CAST: variants seen among roughly 807,000 people sequenced by gnomAD.
The protein encoded by CAST is MIR583 host.
Under a neutral mutation model 119.6 loss-of-function variants are expected in CAST, and 76 were observed. The observed-to-expected ratio is 0.64, with a 90% CI of 0.53 to 0.77. The LOEUF (loss-of-function observed/expected upper bound fraction) is 0.77, where lower values mean the gene tolerates loss of function less well. Ranked by LOEUF, CAST falls within the 30% of genes least tolerant of loss-of-function variation. The pLI is 0.00. For synonymous variants in CAST, 319 were observed against 331.6 expected (o/e 0.96, Z 0.41); for missense variants, 953 against 946.5 (o/e 1.01, Z -0.09).
chr5:96,317,280 A>G, the CAST span, among the ~76,000 whole-genome samples: 1 of 148,722 alleles, frequency 6.7e-6, no homozygotes, highest in Non-Finnish European at 1.5e-5. Context: ...CCTGGGCAAC[A>G]TGGTGAAACT....
chr5:96,083,342 T>A, the CAST span, among the ~76,000 whole-genome samples: 3 of 152,320 alleles, frequency 2.0e-5, no homozygotes, highest in Non-Finnish European at 4.4e-5. Flanking sequence ...GACATTGTGT[T>A]CTGGAGGGAT....
the CAST span, among the ~76,000 whole-genome samples, chr5:96,221,495 C>T: frequency 6.6e-6 from 1 of 151,920 alleles, no homozygotes. Flanking sequence ...ATCAACAAGG[C>T]AACCCCATTT....
intron 1 of CAST, among the ~76,000 whole-genome samples, chr5:96,654,570 G>A (rs1257311656): frequency 1.3e-5 from 2 of 152,122 alleles, no homozygotes; most frequent in African/African-American, 4.8e-5. Context: ...GTGGTTTGAA[G>A]GAAGTAAAAT....
At chr5:96,262,584 C>T in the CAST span, among the ~76,000 whole-genome samples, 1 of 152,112 alleles carries the variant, frequency 6.6e-6, no homozygotes, top group South Asian at 2.1e-4. Flanking sequence ...AGCTGGAGTG[C>T]AGTGGTGCAA....
chr5:96,608,161 T>C (rs1437941707), intron 1 of CAST, among the ~76,000 whole-genome samples: 1 of 152,188 alleles, frequency 6.6e-6, no homozygotes, highest in Non-Finnish European at 1.5e-5. Flanking sequence ...ACAAGTTCAA[T>C]TTTTTAGATT....
At chr5:96,007,497 T>C in the CAST span, among the ~76,000 whole-genome samples, 3 of 152,316 alleles carry the variant, frequency 2.0e-5, no homozygotes, top group South Asian at 6.2e-4. Flanking sequence ...ATATTGAAAC[T>C]CTAACCTCCA....
chr5:95,987,401 G>A, the CAST span, among the ~76,000 whole-genome samples: 1 of 152,086 alleles, frequency 6.6e-6, no homozygotes, highest in Non-Finnish European at 1.5e-5. Context: ...AATAGGGGGC[G>A]TCAGTCAACC....
At chr5:96,065,876 C>G in the CAST span, among the ~76,000 whole-genome samples, 1 of 152,104 alleles carries the variant, frequency 6.6e-6, no homozygotes, top group Non-Finnish European at 1.5e-5. Flanking sequence ...TGAAAGAGCA[C>G]ATATTGTCCC....
the CAST span, among the ~76,000 whole-genome samples, chr5:96,410,543 C>A: frequency 6.6e-6 from 1 of 151,916 alleles, no homozygotes; most frequent in African/African-American, 2.4e-5. Flanking sequence ...CTTCTCAAGG[C>A]TGGGTTTAAA....
the CAST span, among the ~76,000 whole-genome samples, chr5:96,395,671 T>C: frequency 6.6e-6 from 1 of 152,024 alleles, no homozygotes; most frequent in African/African-American, 2.4e-5. Flanking sequence ...GGGATAGCAT[T>C]AGGAGAAATA....
intron 1 of CAST, among the ~76,000 whole-genome samples, chr5:96,559,056 T>G (rs992363984): frequency 6.6e-6 from 1 of 152,036 alleles, no homozygotes; most frequent in Non-Finnish European, 1.5e-5. Flanking sequence ...GTTCAACATA[T>G]GCAAATCGAT....
chr5:96,349,137 C>CTTTTTTTTTTTTTTTTTTTTTTTTTTTT, the CAST span, among the ~76,000 whole-genome samples: 6 of 31,310 alleles, frequency 1.9e-4, no homozygotes, highest in Non-Finnish European at 3.0e-4. Flanking sequence ...AACAAGGACA[C>CTTTTTTTTTTTTTTTTTTTTTTTTTTTT]TATTTTTTTT....
At chr5:96,091,420 A>T in the CAST span, among the ~76,000 whole-genome samples, 1 of 150,370 alleles carries the variant, frequency 6.7e-6, no homozygotes, top group Admixed American at 6.6e-5. Flanking sequence ...AGGCTGGCAG[A>T]TCTTGAACTT....
chr5:96,393,234 T>C, the CAST span: 1 of 1,614,040 alleles, frequency 6.2e-7, no homozygotes, highest in Non-Finnish European at 8.5e-7. Flanking sequence ...GGTGAGTTTT[T>C]ACTGAAAGCA....
chr5:96,372,450 C>A, the CAST span, among the ~76,000 whole-genome samples: 2 of 152,062 alleles, frequency 1.3e-5, no homozygotes, highest in African/African-American at 4.8e-5. Context: ...TGAGAACCTG[C>A]AGGAGGAGGA....
chr5:96,654,027 C>CTTTTTTTTTT (rs71617134), intron 1 of CAST, among the ~76,000 whole-genome samples: 4 of 126,948 alleles, frequency 3.2e-5, no homozygotes, highest in South Asian at 2.6e-4. Context: ...CTTTTCTTTT[C>CTTTTTTTTTT]TTTTTTTTTT....
chr5:96,753,349 G>T (rs80142087), intron 20 of CAST, among the ~76,000 whole-genome samples: 36 of 152,218 alleles, frequency 2.4e-4, no homozygotes, highest in African/African-American at 7.9e-4. Flanking sequence ...CCATTAAGTT[G>T]ATTCTTATGA....
At chr5:95,961,663 C>T in the CAST span, 13 of 1,609,790 alleles carry the variant, frequency 8.1e-6, no homozygotes, top group South Asian at 1.4e-4. Flanking sequence ...CCCCAGCCGT[C>T]CGCACGACAG....
chr5:96,585,875 G>A (rs192623996), intron 1 of CAST, among the ~76,000 whole-genome samples: 2 of 152,324 alleles, frequency 1.3e-5, no homozygotes, highest in East Asian at 3.9e-4. Context: ...TCCAAGGATT[G>A]TATTATTAAC....
Sources: gnomAD v4.1 joint callset for allele counts (sites outside exome capture counted in the v4.1 genomes callset) on GRCh38, gnomAD v4.1.1 for gene constraint, MANE v1.5 for transcripts, NCBI Gene and HGNC (gene_info 2026-07-23, HGNC 2026-07-21) for gene names.